Variants in SPINK5 observed in about 807,000 individuals in gnomAD.
SPINK5 encodes the protein serine peptidase inhibitor Kazal type 5, also known as serine protease inhibitor Kazal-type 5.
In SPINK5, 125 loss-of-function variants were observed where a neutral mutation model predicts 151.8. That is an observed-to-expected ratio of 0.82 (90% CI 0.71 to 0.96). The LOEUF is 0.96. Ranked by LOEUF, SPINK5 falls within the 40% of genes least tolerant of loss-of-function variation. The pLI is 0.00. For missense variants in SPINK5, 1,194 were observed against 1,291.9 expected (o/e 0.92, Z 1.16); for synonymous variants, 374 against 395.3 (o/e 0.95, Z 0.64).
intron 4 of SPINK5, among the ~76,000 whole-genome samples, chr5:148,086,033 G>A (rs537177933): frequency 5.3e-5 from 8 of 151,790 alleles, no homozygotes; most frequent in Non-Finnish European, 1.0e-4. Flanking sequence ...TAGAAACTTT[G>A]CTGTAGTTTA....
At chr5:148,092,660 TCA>T (rs1390987783) in intron 8 of SPINK5, among the ~76,000 whole-genome samples, 1 of 151,848 alleles carries the variant, frequency 6.6e-6, no homozygotes, top group Non-Finnish European at 1.5e-5. Flanking sequence ...CTTGGCTGAA[TCA>T]CAACTTATAA....
At chr5:148,108,696 T>C in intron 17 of SPINK5, 57 bp from the exon 18 acceptor site, 5 of 1,590,142 alleles carry the variant, frequency 3.1e-6, no homozygotes, top group Non-Finnish European at 4.3e-6. Context: ...TTTAAAAATG[T>C]ACTACCAAAA....
intron 2 of SPINK5, among the ~76,000 whole-genome samples, chr5:148,068,953 T>C (rs1038393232): frequency 1.3e-5 from 2 of 151,830 alleles, no homozygotes; most frequent in African/African-American, 4.8e-5. Context: ...ATACAAAAAT[T>C]ACCTAGATGT....
intron 2 of SPINK5, among the ~76,000 whole-genome samples, chr5:148,069,452 CA>C (rs5872056): frequency 0.7 from 105,110 of 149,362 alleles, 37,234 homozygotes; most frequent in East Asian, 0.91. Flanking sequence ...AGGGATGTGC[CA>C]AAAAAAAAAT....
chr5:148,073,734 T>G (rs953365373), intron 4 of SPINK5, among the ~76,000 whole-genome samples: 1 of 151,102 alleles, frequency 6.6e-6, no homozygotes, highest in Non-Finnish European at 1.5e-5. Context: ...TTATTGAAGT[T>G]TAATAAAGTA....
At position 148,095,541 on chromosome 5, in the gene SPINK5, T is replaced by C. The variant is rs142784337; in HGVS notation, c.795-277T>C. Among the ~76,000 whole-genome samples, 358 of 152,168 alleles carry C rather than the reference T, an allele frequency of 2.4e-3. 1 individual carries two copies. Among genetic ancestry groups the C allele is most frequent in the African/African-American group, 8.2e-3 (340 of 41,546 alleles). On this transcript the variant is annotated intron_variant, in intron 9 of 32. Transcript: ENST00000256084. ...CACAGCAATAGACATAGCGCTCATT[T>C]GTATTTGGGAACTGGAATGTCTTCT...
intron 32 of SPINK5, 122 bp from the exon 33 acceptor site, chr5:148,136,861 A>C (rs2113249955): frequency 3.2e-6 from 4 of 1,267,006 alleles, no homozygotes; most frequent in Non-Finnish European, 4.6e-6. Flanking sequence ...TTAAATTGCT[A>C]CTTCTTTGCA....
intron 15 of SPINK5, among the ~76,000 whole-genome samples, chr5:148,102,854 G>T (rs1173521348): frequency 6.6e-6 from 1 of 152,044 alleles, no homozygotes; most frequent in Non-Finnish European, 1.5e-5. Flanking sequence ...AGCAGAAAAA[G>T]ACAAGAATGG....
At chr5:148,069,149 C>T (rs1038220562) in intron 2 of SPINK5, among the ~76,000 whole-genome samples, 1 of 151,898 alleles carries the variant, frequency 6.6e-6, no homozygotes, top group African/African-American at 2.4e-5. Context: ...GGGAATATAA[C>T]ATTTTAAAAT....
At chr5:148,125,914 CT>C in intron 29 of SPINK5, 64 bp downstream of exon 29, 1 of 1,607,162 alleles carries the variant, frequency 6.2e-7, no homozygotes, top group South Asian at 1.1e-5. Context: ...GAAACTGCTG[CT>C]TGAATAAGTT....
rs781766202 is a variant in SPINK5 at position 148,133,866 on chromosome 5, C to G, written c.3165C>G (p.Thr1055=). Residue 1055 remains threonine, a synonymous_variant, in exon 32 of 33, where the codon ACC becomes ACG. Transcript: ENST00000256084. ...KCEESSTPGT[T]AASMPPSDE ...AGGAGAGCAGCACCCCAGGAACCAC[C>G]GCAGCCAGCATGCCCCCGTCTGTAA... is the stretch of plus-strand genomic sequence containing the variant. 2 of 1,613,966 alleles carry G rather than the reference C, an allele frequency of 1.2e-6. No individual in the cohort carries two copies. The highest frequency in any genetic ancestry group is 1.1e-5 in the South Asian group (1 of 91,084).
At position 148,137,133 on chromosome 5, in the gene SPINK5, T is replaced by C; in HGVS notation, c.*142T>C. On this transcript the variant is annotated 3_prime_UTR_variant, in exon 33 of 33. Transcript: ENST00000256084. Reference sequence around the variant, plus strand: ...CAATACAGAGCTTTTGGGAATGGACTCACTGATTTTCAGTCTTTTCCATCT... The same window carrying C: ...CAATACAGAGCTTTTGGGAATGGACCCACTGATTTTCAGTCTTTTCCATCT... 3 of 1,072,230 alleles carry C rather than the reference T, an allele frequency of 2.8e-6. No individual in the cohort carries two copies. The Admixed American group carries it at 5.5e-5, about 19-fold the overall frequency. The allele number at this position is 1,072,230 out of a possible 1,614,324, so 66.4% of individuals were successfully genotyped here. A position where few individuals can be genotyped will look rare whatever the true frequency, so the allele number is the denominator to read the frequency against.
intron 16 of SPINK5, 105 bp from the exon 17 acceptor site, chr5:148,106,932 A>T (rs1753795812): frequency 6.8e-7 from 1 of 1,461,974 alleles, no homozygotes; most frequent in Admixed American, 1.7e-5. Context: ...ATGTGTTATC[A>T]CTTTTGTTTT....
At position 148,119,027 on chromosome 5, in the gene SPINK5, G is replaced by T; in HGVS notation, c.2282G>T (p.Arg761Ile). The change falls in exon 24 of 33, where the codon AGA becomes ATA. Residue 761 changes from arginine to isoleucine, a missense_variant. Coordinates refer to ENST00000256084, the MANE Select transcript of SPINK5 (RefSeq NM_006846.4). ...AGAAAAAATGAGTATTCTCGCTCCA[G>T]ATCAAATGGGACTGGATCAGAATCA... ...AERKNEYSRSRSNGTGSESGK... is the reference protein window; with the variant it reads ...AERKNEYSRSISNGTGSESGK... The T allele has an allele frequency of 6.2e-7, 1 of 1,613,922 alleles. No individual in the cohort carries two copies. The highest frequency in any genetic ancestry group is 2.2e-5 in the East Asian group (1 of 44,872).
At chr5:148,118,927 T>C in intron 23 of SPINK5, 59 bp from the exon 24 acceptor site, 1 of 1,543,468 alleles carries the variant, frequency 6.5e-7, no homozygotes, top group Non-Finnish European at 9.0e-7. Context: ...ACACACTTAG[T>C]GCATAATCCA....
At chr5:148,091,384 A>G (rs1753305706) in intron 8 of SPINK5, among the ~76,000 whole-genome samples, 156 bp downstream of exon 8, 1 of 151,820 alleles carries the variant, frequency 6.6e-6, no homozygotes, top group African/African-American at 2.4e-5. Flanking sequence ...TATTCCTAGA[A>G]TATTAATCAT....
At chr5:148,114,511 C>T in intron 21 of SPINK5, 22 bp downstream of exon 21, 3 of 1,612,438 alleles carry the variant, frequency 1.9e-6, no homozygotes, top group South Asian at 1.1e-5. Context: ...AAGAAAACCA[C>T]TACTGTGGGA....
chr5:148,118,366 T>G (rs986912817), intron 22 of SPINK5, 71 bp from the exon 23 acceptor site: 12 of 1,606,762 alleles, frequency 7.5e-6, no homozygotes, highest in Non-Finnish European at 1.0e-5. Flanking sequence ...TTACTCAGAC[T>G]GTTAAAACAA....
chr5:148,094,375 A>G lies in SPINK5; in HGVS notation c.688A>G (p.Lys230Glu). 6.2e-7 allele frequency: 1 copy of G among 1,612,598 alleles called. No individual in the cohort carries two copies. The highest frequency in any genetic ancestry group is 1.7e-5 in the Admixed American group (1 of 59,918). ...AEKDFCKEYE[K>E]QVRNGRLFCT... ...AAAGGATTTTTGCAAGGAATATGAA[A>G]AACAAGTGAGAAATGGAAGGCTTTT... Residue 230 changes from lysine (K) to glutamate (E), a missense_variant, in exon 9 of 33, where the codon AAA becomes GAA. Transcript: ENST00000256084.
Sources: allele counts gnomAD v4.1 joint callset (sites outside exome capture counted in the v4.1 genomes callset), GRCh38; gene constraint gnomAD v4.1.1; transcripts MANE v1.5; gene names NCBI Gene and HGNC (gene_info 2026-07-23, HGNC 2026-07-21).